Variants in RNF130 observed in about 807,000 individuals in gnomAD.
The protein encoded by RNF130 is E3 ubiquitin-protein ligase RNF130.
A neutral mutation model predicts 44.6 loss-of-function variants in RNF130; 21 were observed. The observed-to-expected ratio is 0.47, with a 90% confidence interval of 0.33 to 0.68. The LOEUF is 0.68. Ranked by LOEUF, RNF130 falls within the 30% of genes least tolerant of loss-of-function variation. The pLI is 0.02. For synonymous variants in RNF130, 214 were observed against 210.4 expected (o/e 1.02, Z -0.15); for missense variants, 479 against 560.6 (o/e 0.85, Z 1.47).
intron 7 of RNF130, among the ~76,000 whole-genome samples, chr5:179,944,494 T>C (rs1762010704): frequency 6.6e-6 from 1 of 152,142 alleles, no homozygotes; most frequent in Non-Finnish European, 1.5e-5. Context: ...GATGGAGTCT[T>C]GCTCTGCCGC....
chr5:179,977,902 A>C lies in RNF130; in HGVS notation c.848+301T>G, dbSNP rs1333190999. ...TAAAAGAAAACAAACATAAAAAGATAAACGAAACCATAGAACAAGAATTCT... is the reference window on the plus strand; with the variant it reads ...TAAAAGAAAACAAACATAAAAAGATCAACGAAACCATAGAACAAGAATTCT... On this transcript the variant is annotated intron_variant, in intron 5 of 8. Coordinates refer to ENST00000521389, the MANE Select transcript of RNF130 (RefSeq NM_018434.6). The surrounding 1 kb of genome is among the most constrained non-coding windows in gnomAD (Gnocchi z 4.1). Among the ~76,000 whole-genome samples the C allele has an allele frequency of 6.6e-6, 1 of 152,220 alleles. No homozygotes were observed. The highest frequency in any genetic ancestry group is 1.5e-5 in the Non-Finnish European group (1 of 68,030).
At chr5:180,026,477 G>T (rs760858857) in intron 2 of RNF130, among the ~76,000 whole-genome samples, 4 of 152,132 alleles carry the variant, frequency 2.6e-5, no homozygotes, top group Non-Finnish European at 5.9e-5. Context: ...ACATGACAAA[G>T]AACTCACTCT....
At chr5:180,042,110 T>G (rs1317237417) in intron 1 of RNF130, among the ~76,000 whole-genome samples, 1 of 152,184 alleles carries the variant, frequency 6.6e-6, no homozygotes, top group African/African-American at 2.4e-5. Flanking sequence ...TGGGAAAATG[T>G]TGGCTTTCTA....
downstream of RNF130, chr5:179,954,982 T>C (rs1762181048): frequency 6.6e-6 from 1 of 152,210 alleles, no homozygotes; most frequent in South Asian, 2.1e-4. Flanking sequence ...CTTTTTTGAG[T>C]TTGCTGTTTT....
At chr5:179,948,301 G>C (rs1261807315) in intron 7 of RNF130, among the ~76,000 whole-genome samples, 1 of 152,214 alleles carries the variant, frequency 6.6e-6, no homozygotes, top group Non-Finnish European at 1.5e-5. Context: ...ACAGTTAACA[G>C]TTTCTTCCTG....
intron 7 of RNF130, among the ~76,000 whole-genome samples, chr5:179,965,124 T>C (rs917689666): frequency 6.6e-6 from 1 of 152,216 alleles, no homozygotes; most frequent in Non-Finnish European, 1.5e-5. Flanking sequence ...CATCCCGTAT[T>C]TGCATGTCTT....
intron 2 of RNF130, among the ~76,000 whole-genome samples, chr5:180,023,283 T>C (rs990732263): frequency 2.6e-5 from 4 of 152,240 alleles, no homozygotes; most frequent in Non-Finnish European, 5.9e-5. Context: ...ATTTCCTTGT[T>C]CTGTCAGCTG....
intron 5 of RNF130, among the ~76,000 whole-genome samples, chr5:179,976,400 G>A (rs771927299): frequency 7.9e-5 from 12 of 152,190 alleles, no homozygotes; most frequent in Non-Finnish European, 1.8e-4. Context: ...AATTTGGAGA[G>A]CCTTGGCTTC....
At chr5:179,999,711 C>T (rs998251396) in intron 3 of RNF130, among the ~76,000 whole-genome samples, 8 of 151,860 alleles carry the variant, frequency 5.3e-5, no homozygotes, top group Non-Finnish European at 1.2e-4. Context: ...AGCGAGACTC[C>T]GTCTCAAAAA....
chr5:180,045,289 TCTTGCTGACTTCAAGAAGGAAGC>T (rs1194873994), intron 1 of RNF130, among the ~76,000 whole-genome samples: 3 of 152,160 alleles, frequency 2.0e-5, no homozygotes, highest in Non-Finnish European at 4.4e-5. Context: ...GGGTTCTTGG[TCTTGCTGACTTCAAGAAGGAAGC>T]CGCGGACCCT....
At chr5:180,008,008 T>A (rs71596443) in intron 3 of RNF130, among the ~76,000 whole-genome samples, 4 of 149,966 alleles carry the variant, frequency 2.7e-5, no homozygotes, top group Non-Finnish European at 5.9e-5. Flanking sequence ...TTTTTTTTTT[T>A]AACAGGTATA....
In RNF130 at chr5:179,934,977, G is replaced by A. The variant is rs141681021; in HGVS notation, c.1151-14551C>T. Among the ~76,000 whole-genome samples, 22 of 152,220 alleles carry A rather than the reference G, an allele frequency of 1.4e-4. No homozygotes were observed. In the East Asian group the frequency reaches 3.3e-3, roughly 23 times the overall value. ...TTCGAACTTTTCGCTAGGCTTTCGA[G>A]ATTTAAGGTCGCAGATTTCCCTCTA... On this transcript the variant is annotated intron_variant, in intron 7 of 7. Transcript: ENST00000522208.
chr5:179,937,058 A>C (rs1225355068), intron 7 of RNF130, among the ~76,000 whole-genome samples: 1 of 152,198 alleles, frequency 6.6e-6, no homozygotes, highest in Non-Finnish European at 1.5e-5. Context: ...TTGACACCTA[A>C]AGCATAAGCA....
chr5:180,057,875 C>A (rs1764871824), intron 1 of RNF130, among the ~76,000 whole-genome samples: 1 of 152,176 alleles, frequency 6.6e-6, no homozygotes, highest in Admixed American at 6.5e-5. Context: ...CAAGTCAAGA[C>A]AGATGTGTGG....
intron 2 of RNF130, among the ~76,000 whole-genome samples, chr5:180,021,247 C>T (rs1264685851): frequency 6.6e-6 from 1 of 152,154 alleles, no homozygotes; most frequent in East Asian, 1.9e-4. Flanking sequence ...CTCGGCCTCC[C>T]AAAGTGCTGG....
intron 1 of RNF130, among the ~76,000 whole-genome samples, chr5:180,058,949 A>C (rs569556180): frequency 6.6e-6 from 1 of 152,306 alleles, no homozygotes; most frequent in African/African-American, 2.4e-5. Context: ...ACCATGACTT[A>C]ACAGTTAGAT....
chr5:179,945,040 G>C (rs969997731), intron 7 of RNF130, among the ~76,000 whole-genome samples: 2 of 152,314 alleles, frequency 1.3e-5, no homozygotes, highest in East Asian at 3.9e-4. Context: ...ACTTTGGGAG[G>C]CCAAGGCGGG....
chr5:179,924,471 C>T (rs1010316129), intron 7 of RNF130, among the ~76,000 whole-genome samples: 17 of 143,258 alleles, frequency 1.2e-4, no homozygotes, highest in South Asian at 2.2e-4. Context: ...CTCCAGCCTG[C>T]GCAACAGAGC....
intron 7 of RNF130, among the ~76,000 whole-genome samples, chr5:179,936,906 T>A (rs970940110): frequency 1.3e-5 from 2 of 152,132 alleles, no homozygotes; most frequent in African/African-American, 2.4e-5. Flanking sequence ...GATATCCACA[T>A]GCAAAAAAAT....
Sources: gnomAD v4.1 joint callset for allele counts (sites outside exome capture counted in the v4.1 genomes callset) on GRCh38, gnomAD v4.1.1 for gene constraint, Gnocchi (gnomAD v3.1) non-coding constraint, MANE v1.5 for transcripts, NCBI Gene and HGNC (gene_info 2026-07-23, HGNC 2026-07-21) for gene names.